The following POLR2M variants were observed in gnomAD, a reference collection of about 807,000 sequenced individuals.
POLR2M encodes RNA polymerase II subunit M.
In POLR2M, 30 loss-of-function variants were observed where a neutral mutation model predicts 34.6. The observed-to-expected ratio is 0.87, with a 90% CI of 0.65 to 1.18. The LOEUF (loss-of-function observed/expected upper bound fraction) is 1.18. POLR2M is among the 50% of genes most tolerant of loss of function. POLR2M has a pLI of 0.00. For synonymous variants in POLR2M, 150 were observed against 166.7 expected, an observed-to-expected ratio of 0.90 and a Z score of 0.77; for missense variants, 432 against 448.7, an observed-to-expected ratio of 0.96 and a Z score of 0.34.
chr15:57,711,366 C>T (rs1371782321), intron 2 of POLR2M, among the ~76,000 whole-genome samples: 5 of 152,160 alleles, frequency 3.3e-5, no homozygotes, highest in African/African-American at 4.8e-5. Flanking sequence ...AGATGGAAAT[C>T]CGAACTTGTT....
chr15:57,713,160 C>T (rs2040804936), intron 3 of POLR2M, among the ~76,000 whole-genome samples: 1 of 149,068 alleles, frequency 6.7e-6, no homozygotes, highest in Non-Finnish European at 1.5e-5. Flanking sequence ...CACCACTGCA[C>T]TCTGTATAGC....
intron 1 of POLR2M, 35 bp downstream of exon 1, chr15:57,706,990 C>A: frequency 6.4e-7 from 1 of 1,557,450 alleles, no homozygotes; most frequent in South Asian, 1.2e-5. Context: ...CCGCCAGGCT[C>A]CTTCAGCTCG....
chr15:57,714,709 A>G lies in POLR2M; in HGVS notation c.*30A>G, dbSNP rs1313650280. On this transcript the variant is annotated 3_prime_UTR_variant, in exon 4 of 4. Transcript: ENST00000299638. Reference sequence around the variant, plus strand: ...AATCTCCTAAATCACTGACGTTGAGATGTCATCATCTTACATCAGACTTTC... The same window carrying G: ...AATCTCCTAAATCACTGACGTTGAGGTGTCATCATCTTACATCAGACTTTC... 4.4e-6 allele frequency: 7 copies of G among 1,604,348 alleles called. No individual in the cohort carries two copies. Among genetic ancestry groups the G allele is most frequent in the Non-Finnish European group, 6.0e-6 (7 of 1,175,798 alleles).
In POLR2M at chr15:57,717,167, T is replaced by C; in HGVS notation, c.*2488T>C. 1 of 152,240 alleles carries C rather than the reference T, an allele frequency of 6.6e-6. No individual in the cohort carries two copies. Among genetic ancestry groups the C allele is most frequent in the Non-Finnish European group, 1.5e-5 (1 of 68,044 alleles). The allele number at this position is 152,240 out of a possible 1,614,324, so 9.4% of individuals were successfully genotyped here. ...ATATTAAATTCTTATGTGTCTTTTG[T>C]GTCTTAGGCCAATTTCTGGGCCTTC... On this transcript the variant is annotated 3_prime_UTR_variant, in exon 4 of 4. Coordinates refer to ENST00000299638, the MANE Select transcript of POLR2M (RefSeq NM_015532.5).
chr15:57,714,763 T>G lies in POLR2M; in HGVS notation c.*84T>G, dbSNP rs1254232270. On this transcript the variant is annotated 3_prime_UTR_variant, in exon 4 of 4. Coordinates refer to ENST00000299638, the MANE Select transcript of POLR2M (RefSeq NM_015532.5). ...CTAGTATCAAGATCAGTGTCAGATA[T>G]TGTTGAGGGAAGTAATTTTATAAAG... The G allele has an allele frequency of 6.5e-7, 1 of 1,541,872 alleles. No homozygotes were observed. The highest frequency in any genetic ancestry group is 8.7e-7 in the Non-Finnish European group (1 of 1,146,260).
At position 57,709,260 on chromosome 15, in the gene POLR2M, C is replaced by T. The variant is rs146810912; in HGVS notation, c.660C>T (p.Gly220=). Residue 220 remains glycine, a synonymous_variant, in exon 2 of 4, where the codon GGC becomes GGT. Coordinates refer to ENST00000299638, the MANE Select transcript of POLR2M (RefSeq NM_015532.5). ...ACGCAAGTACTAAGAACTTGACAGGCCTTTCCAGTGGGACTGAGAAGAAAC... is the reference window on the plus strand; with the variant it reads ...ACGCAAGTACTAAGAACTTGACAGGTCTTTCCAGTGGGACTGAGAAGAAAC... ...EENASTKNLT[G]LSSGTEKKPH... 1.7e-4 allele frequency: 277 copies of T among 1,614,160 alleles called. No homozygotes were observed. The highest frequency in any genetic ancestry group is 1.6e-3 in the African/African-American group (119 of 75,034).
intron 2 of POLR2M, among the ~76,000 whole-genome samples, chr15:57,711,011 G>A (rs1228447263): frequency 2.6e-5 from 4 of 152,176 alleles, no homozygotes; most frequent in Non-Finnish European, 5.9e-5. Context: ...CTTTAGGTTT[G>A]CATAGCCAAT....
chr15:57,709,311 G>A lies in POLR2M; in HGVS notation c.711G>A (p.Met237Ile). Residue 237 changes from methionine to isoleucine, a missense_variant, in exon 2 of 4, where the codon ATG becomes ATA. By Grantham distance (10) the Met-to-Ile change is conservative. Coordinates refer to ENST00000299638, the MANE Select transcript of POLR2M (RefSeq NM_015532.5). ...KKPHYMEVLE[M>I]RAKNPVPQLR... ...CTCATTACATGGAAGTGCTAGAAAT[G>A]CGAGCCAAAAACCCAGTGCCCCAGC... The A allele has an allele frequency of 8.1e-6, 13 of 1,614,082 alleles. No individual in the cohort carries two copies. The highest frequency in any genetic ancestry group is 1.3e-5 in the African/African-American group (1 of 75,028).
chr15:57,716,296 A>T lies in POLR2M; in HGVS notation c.*1617A>T, dbSNP rs376366057. 3.9e-5 allele frequency: 6 copies of T among 152,366 alleles called. No individual in the cohort carries two copies. The highest frequency in any genetic ancestry group is 1.3e-4 in the Admixed American group (2 of 15,308). 9.4% of individuals were successfully genotyped at this position (152,366 alleles called of 1,614,324 possible). On this transcript the variant is annotated 3_prime_UTR_variant, in exon 4 of 4. Coordinates refer to ENST00000299638, the MANE Select transcript of POLR2M (RefSeq NM_015532.5). ...ATTTCATGGGTATACCATAACTTTA[A>T]GATTTATTTCCTATTCAGCAATTTG...
chr15:57,707,228 G>A, intron 1 of POLR2M: 2 of 1,332,734 alleles, frequency 1.5e-6, no homozygotes, highest in Non-Finnish European at 2.0e-6. Flanking sequence ...TTATTTACCC[G>A]GGGACTGTGG....
At chr15:57,713,524 G>C (rs1472003695) in intron 3 of POLR2M, among the ~76,000 whole-genome samples, 1 of 152,078 alleles carries the variant, frequency 6.6e-6, no homozygotes, top group Non-Finnish European at 1.5e-5. Context: ...AGAAGTTCAA[G>C]AAAGCATGAG....
Position 57,714,708 on chromosome 15 carries a change from G to T in POLR2M, c.*29G>T. On this transcript the variant is annotated 3_prime_UTR_variant, in exon 4 of 4. Coordinates refer to ENST00000299638, the MANE Select transcript of POLR2M (RefSeq NM_015532.5). The stretch of plus-strand genomic sequence containing the variant: ...TAATCTCCTAAATCACTGACGTTGA[G>T]ATGTCATCATCTTACATCAGACTTT... 6.2e-7 allele frequency: 1 copy of T among 1,604,126 alleles called. No homozygotes were observed. The highest frequency in any genetic ancestry group is 8.5e-7 in the Non-Finnish European group (1 of 1,175,486).
In POLR2M at chr15:57,706,738, C is replaced by A; in HGVS notation, c.-105C>A. 7.6e-7 allele frequency: 1 copy of A among 1,316,142 alleles called. No individual in the cohort carries two copies. The highest frequency in any genetic ancestry group is 1.0e-6 in the Non-Finnish European group (1 of 965,222). The allele number at this position is 1,316,142 out of a possible 1,614,324, so 81.5% of individuals were successfully genotyped here. The stretch of plus-strand genomic sequence containing the variant: ...CGTTCTTCCGGGAAAATGGCGACTC[C>A]CGCTCGTGCCCCGGAGTCACCGCCG... On this transcript the variant is annotated 5_prime_UTR_variant, in exon 1 of 4. Transcript: ENST00000299638.
At chr15:57,709,872 G>T (rs76448614) in intron 2 of POLR2M, among the ~76,000 whole-genome samples, 3,358 of 152,194 alleles carry the variant, frequency 0.022, 48 homozygotes, top group Non-Finnish European at 0.032. Flanking sequence ...ATTAGTCTGT[G>T]AACTAAGGGT....
chr15:57,707,911 A>G (rs1203011166), intron 1 of POLR2M, among the ~76,000 whole-genome samples: 1 of 152,224 alleles, frequency 6.6e-6, no homozygotes, highest in East Asian at 1.9e-4. Context: ...GTAGTGTCAA[A>G]AAGAACAGAG....
chr15:57,714,476 G>A (rs1271384640), intron 3 of POLR2M, 60 bp from the exon 4 acceptor site: 15 of 1,595,038 alleles, frequency 9.4e-6, no homozygotes, highest in Non-Finnish European at 1.3e-5. Flanking sequence ...ACTTCCCATT[G>A]AAAAATTGTA....
At chr15:57,710,966 A>C (rs1026107457) in intron 2 of POLR2M, among the ~76,000 whole-genome samples, 2 of 152,062 alleles carry the variant, frequency 1.3e-5, no homozygotes, top group Admixed American at 6.5e-5. Context: ...CTGGAGGCTG[A>C]CCCCTGTGCA....
intron 1 of POLR2M, chr15:57,707,390 T>G (rs137987577): frequency 1.5e-6 from 1 of 681,120 alleles, no homozygotes; most frequent in African/African-American, 1.8e-5. Flanking sequence ...GCCGGGAAAG[T>G]TCGACCCTCA....
At position 57,714,936 on chromosome 15, in the gene POLR2M, A is replaced by G. The variant is rs188115447; in HGVS notation, c.*257A>G. The G allele has an allele frequency of 9.0e-6, 4 of 445,234 alleles. No homozygotes were observed. Among genetic ancestry groups the G allele is most frequent in the East Asian group, 4.7e-5 (1 of 21,414 alleles). The allele number at this position is 445,234 out of a possible 1,614,324, so 27.6% of individuals were successfully genotyped here. On this transcript the variant is annotated 3_prime_UTR_variant, in exon 4 of 4. Coordinates refer to ENST00000299638, the MANE Select transcript of POLR2M (RefSeq NM_015532.5). Reference sequence around the variant, plus strand: ...TTGTGTATTGGTCTGATATTTTAGTATATAGTAGAACATACTTTTTTTTTC... The same window carrying G: ...TTGTGTATTGGTCTGATATTTTAGTGTATAGTAGAACATACTTTTTTTTTC...
Sources: allele counts gnomAD v4.1 joint callset (sites outside exome capture counted in the v4.1 genomes callset), GRCh38; gene constraint gnomAD v4.1.1; transcripts MANE v1.5; gene names NCBI Gene and HGNC (gene_info 2026-07-23, HGNC 2026-07-21).